The following SCARA3 variants were observed in gnomAD, a reference collection of about 807,000 sequenced individuals.
SCARA3 encodes the protein scavenger receptor class A member 3.
SCARA3 carries 39 observed loss-of-function variants against 47.0 expected under a neutral mutation model. The ratio of observed to expected loss-of-function variants is 0.83; its 90% CI spans 0.64 to 1.08. SCARA3 has a LOEUF of 1.08. Ranked by LOEUF, SCARA3 falls within the 50% of genes least tolerant of loss-of-function variation. SCARA3 has a pLI of 0.00. For synonymous variants in SCARA3, 356 were observed against 334.1 expected, an observed-to-expected ratio of 1.07 and a Z score of -0.71; for missense variants, 724 against 792.3, an observed-to-expected ratio of 0.91 and a Z score of 1.04.
chr8:27,651,392 C>T (rs915759883), intron 2 of SCARA3, 116 bp from the exon 3 acceptor site: 112 of 1,298,264 alleles, frequency 8.6e-5, no homozygotes, highest in Non-Finnish European at 1.1e-4. Flanking sequence ...AACAGCTCCC[C>T]TTCTGAGCCT....
intron 5 of SCARA3, among the ~76,000 whole-genome samples, chr8:27,669,160 C>T (rs1305326061): frequency 6.6e-6 from 1 of 152,068 alleles, no homozygotes; most frequent in Non-Finnish European, 1.5e-5. Flanking sequence ...GAGGCGAATG[C>T]CCACCCAGAC....
At chr8:27,705,326 T>G in the SCARA3 span, among the ~76,000 whole-genome samples, 1 of 152,216 alleles carries the variant, frequency 6.6e-6, no homozygotes, top group Admixed American at 6.5e-5. Context: ...TGCGGGACCT[T>G]GGCAGACCCA....
At chr8:27,723,522 T>A in the SCARA3 span, among the ~76,000 whole-genome samples, 6 of 152,186 alleles carry the variant, frequency 3.9e-5, no homozygotes, top group Non-Finnish European at 8.8e-5. Flanking sequence ...TTACTTCATC[T>A]ACCACGTTCT....
the SCARA3 span, among the ~76,000 whole-genome samples, chr8:27,723,094 C>G: frequency 5.3e-5 from 8 of 152,204 alleles, no homozygotes; most frequent in Non-Finnish European, 1.2e-4. Flanking sequence ...ACCCACTTAT[C>G]TCTTGGACAG....
At chr8:27,692,430 A>G in the SCARA3 span, among the ~76,000 whole-genome samples, 1 of 152,074 alleles carries the variant, frequency 6.6e-6, no homozygotes, top group East Asian at 1.9e-4. Flanking sequence ...AAAAAAAAAA[A>G]AAAAAACAAA....
At chr8:27,637,237 C>T (rs1409309238) in intron 1 of SCARA3, among the ~76,000 whole-genome samples, 2 of 152,258 alleles carry the variant, frequency 1.3e-5, no homozygotes, top group African/African-American at 4.8e-5. Context: ...CCTCCCAGGC[C>T]GCTGCCTCTT....
At chr8:27,699,439 A>G in the SCARA3 span, among the ~76,000 whole-genome samples, 1 of 151,992 alleles carries the variant, frequency 6.6e-6, no homozygotes, top group Admixed American at 6.6e-5. Flanking sequence ...TCCTGGGCTC[A>G]AGTGACCCTC....
chr8:27,725,356 A>G, the SCARA3 span, among the ~76,000 whole-genome samples: 3 of 151,260 alleles, frequency 2.0e-5, no homozygotes. Context: ...TCCTAACCTC[A>G]GAAATATAAC....
In SCARA3 at chr8:27,634,159, C is replaced by T. The variant is rs199997030; in HGVS notation, c.-42C>T. On this transcript the variant is annotated 5_prime_UTR_variant, in exon 1 of 6. Coordinates refer to ENST00000301904, the MANE Select transcript of SCARA3 (RefSeq NM_016240.3). ...CGCCCGGCTCCACTACAGCTCCAGC[C>T]GCCTGCAGCGGGGCCCTCCTGAGGC... The T allele has an allele frequency of 3.1e-4, 453 of 1,450,628 alleles. 4 individuals carry two copies. Among genetic ancestry groups the T allele is most frequent in the Non-Finnish European group, 4.0e-5 (44 of 1,105,952 alleles). 89.9% of individuals were successfully genotyped at this position (1,450,628 alleles called of 1,614,324 possible).
chr8:27,638,868 T>G (rs1232253251), intron 1 of SCARA3, among the ~76,000 whole-genome samples: 3 of 152,140 alleles, frequency 2.0e-5, no homozygotes, highest in Non-Finnish European at 4.4e-5. Context: ...TTTCCTGGCT[T>G]TCCTTCTTTG....
Position 27,671,802 on chromosome 8 carries a change from C to G in SCARA3, c.*451C>G. ...CATGCACTGCACACATATCCATGCA[C>G]ACAAACACATATATACACATGCACA... On this transcript the variant is annotated 3_prime_UTR_variant, in exon 6 of 6. Transcript: ENST00000301904. The G allele has an allele frequency of 1.0e-6, 1 of 989,412 alleles. No homozygotes were observed. The highest frequency in any genetic ancestry group is 1.2e-6 in the Non-Finnish European group (1 of 832,692). The allele number at this position is 989,412 out of a possible 1,614,324, so 61.3% of individuals were successfully genotyped here.
rs999584804 is a variant in SCARA3, at chr8:27,658,752, C to T, written c.582C>T (p.Gly194=). 1 of 1,614,098 alleles carries T rather than the reference C, an allele frequency of 6.2e-7. No individual in the cohort carries two copies. The highest frequency in any genetic ancestry group is 2.2e-5 in the East Asian group (1 of 44,876). Residue 194 remains glycine (G), a synonymous_variant, in exon 5 of 6, where the codon GGC becomes GGT. Coordinates refer to ENST00000301904, the MANE Select transcript of SCARA3 (RefSeq NM_016240.3). ...SLGLFLAQVR[G]WQATTAGLDL... ...GGCTCTTCCTGGCCCAGGTGAGAGG[C>T]TGGCAGGCCACCACAGCTGGCCTGG... is the stretch of plus-strand genomic sequence containing the variant.
At chr8:27,651,023 C>A (rs1228800961) in intron 2 of SCARA3, among the ~76,000 whole-genome samples, 1 of 152,226 alleles carries the variant, frequency 6.6e-6, no homozygotes, top group Non-Finnish European at 1.5e-5. Flanking sequence ...CTGTACCCGG[C>A]AGGCTTTCAG....
At chr8:27,644,747 C>T (rs1369615459) in intron 1 of SCARA3, among the ~76,000 whole-genome samples, 1 of 152,122 alleles carries the variant, frequency 6.6e-6, no homozygotes, top group Admixed American at 6.5e-5. Flanking sequence ...TTCATTACCC[C>T]TTCCAGACAC....
At chr8:27,636,238 T>A (rs552060748) in intron 1 of SCARA3, among the ~76,000 whole-genome samples, 1 of 152,314 alleles carries the variant, frequency 6.6e-6, no homozygotes, top group South Asian at 2.1e-4. Flanking sequence ...ATGATGGTGG[T>A]GAGATGTTTC....
intron 1 of SCARA3, among the ~76,000 whole-genome samples, chr8:27,644,382 T>C (rs752154163): frequency 6.6e-6 from 1 of 152,200 alleles, no homozygotes; most frequent in Non-Finnish European, 1.5e-5. Context: ...CCCTCCCTCA[T>C]AGCAGCTGTG....
chr8:27,721,659 C>G, the SCARA3 span, among the ~76,000 whole-genome samples: 2 of 152,114 alleles, frequency 1.3e-5, no homozygotes, highest in Admixed American at 6.5e-5. Flanking sequence ...CAGGAACACC[C>G]AGGACCCTGG....
chr8:27,726,932 C>T, the SCARA3 span, among the ~76,000 whole-genome samples: 1 of 152,014 alleles, frequency 6.6e-6, no homozygotes, highest in South Asian at 2.1e-4. Context: ...TGCCATCACA[C>T]CTGGCTAATT....
chr8:27,674,573 G>A (rs1235716612), downstream of SCARA3, among the ~76,000 whole-genome samples: 2 of 152,148 alleles, frequency 1.3e-5, no homozygotes, highest in African/African-American at 4.8e-5. Context: ...CCAGGGCCAA[G>A]GCGATGAAGT....
Sources: allele counts gnomAD v4.1 joint callset (sites outside exome capture counted in the v4.1 genomes callset), GRCh38; gene constraint gnomAD v4.1.1; transcripts MANE v1.5; gene names NCBI Gene and HGNC (gene_info 2026-07-23, HGNC 2026-07-21).